Variants in ZC3H12B observed in about 807,000 individuals in gnomAD.
ZC3H12B encodes probable ribonuclease ZC3H12B.
In ZC3H12B, 7 loss-of-function variants were observed where a neutral mutation model predicts 43.9. The ratio of observed to expected loss-of-function variants is 0.16; its 90% confidence interval spans 0.09 to 0.30. The LOEUF (loss-of-function observed/expected upper bound fraction) is 0.30, where lower values mean the gene tolerates loss of function less well. ZC3H12B is among the 10% of genes least tolerant of loss of function. The probability of loss-of-function intolerance (pLI) is 1.00; values close to 1 mark genes in which losing one functional copy is unlikely to be tolerated. For synonymous variants in ZC3H12B, 222 were observed against 241.7 expected (o/e 0.92, Z 0.76); for missense variants, 475 against 670.2 (o/e 0.71, Z 3.22).
chrX:65,161,450 A>G, the ZC3H12B span, among the ~76,000 whole-genome samples: 1 of 111,564 alleles, frequency 9.0e-6, no homozygotes, highest in African/African-American at 3.3e-5. Context: ...GTGCTCCTGT[A>G]TTGGGTGCAT....
chrX:65,490,729 C>T (rs185161245), intron 1 of ZC3H12B, among the ~76,000 whole-genome samples: 6 of 110,870 alleles, frequency 5.4e-5, no homozygotes, highest in African/African-American at 2.0e-4. Flanking sequence ...TTTAAAAAAC[C>T]CCAGTAATCA....
chrX:65,080,977 G>A, the ZC3H12B span, among the ~76,000 whole-genome samples: 86 of 109,047 alleles, frequency 7.9e-4, no homozygotes, highest in Admixed American at 1.6e-3. Flanking sequence ...AAGTTAAAAA[G>A]CAGGGGGACA....
the ZC3H12B span, among the ~76,000 whole-genome samples, chrX:65,143,439 T>G: frequency 9.0e-6 from 1 of 111,568 alleles, no homozygotes; most frequent in Non-Finnish European, 1.9e-5. Flanking sequence ...TTTCTGCCTC[T>G]ATTGAGATGA....
chrX:65,203,524 T>C, the ZC3H12B span, among the ~76,000 whole-genome samples: 1 of 110,037 alleles, frequency 9.1e-6, no homozygotes, highest in Non-Finnish European at 1.9e-5. Context: ...AGAAGTGTCA[T>C]CTAGGATTTG....
At chrX:65,410,831 A>T (rs2066895616) in intron 3 of ZC3H12B, among the ~76,000 whole-genome samples, 1 of 112,376 alleles carries the variant, frequency 8.9e-6, no homozygotes, top group Non-Finnish European at 1.9e-5. Flanking sequence ...GGATGTAGAG[A>T]AAAGGGAATC....
the ZC3H12B span, among the ~76,000 whole-genome samples, chrX:65,192,248 G>T: frequency 9.0e-6 from 1 of 111,003 alleles, no homozygotes; most frequent in Non-Finnish European, 1.9e-5. Flanking sequence ...GAATAGGTGT[G>T]GTGTGGTGCT....
the ZC3H12B span, among the ~76,000 whole-genome samples, chrX:65,325,670 C>G: frequency 9.0e-6 from 1 of 111,057 alleles, no homozygotes; most frequent in Non-Finnish European, 1.9e-5. Context: ...AATGTTTATA[C>G]CACTCAAAGT....
At chrX:65,139,520 T>C in the ZC3H12B span, among the ~76,000 whole-genome samples, 1 of 112,079 alleles carries the variant, frequency 8.9e-6, no homozygotes, top group South Asian at 3.7e-4. Flanking sequence ...GGTAGTGTGA[T>C]GTCTCCAGCT....
the ZC3H12B span, among the ~76,000 whole-genome samples, chrX:65,289,252 C>T: frequency 9.0e-6 from 1 of 110,514 alleles, no homozygotes; most frequent in African/African-American, 3.3e-5. Flanking sequence ...TTTAAAAATT[C>T]ACATGGAACA....
At chrX:65,042,700 A>G in the ZC3H12B span, among the ~76,000 whole-genome samples, 1 of 112,302 alleles carries the variant, frequency 8.9e-6, no homozygotes, top group East Asian at 2.8e-4. Context: ...TGTCTTGATT[A>G]AGGATTTTTG....
intron 2 of ZC3H12B, among the ~76,000 whole-genome samples, chrX:65,373,931 T>C (rs1220214589): frequency 4.2e-4 from 21 of 49,814 alleles, no homozygotes; most frequent in East Asian, 3.0e-3. Flanking sequence ...ACTATATATA[T>C]AGTATATATA....
intron 3 of ZC3H12B, among the ~76,000 whole-genome samples, chrX:65,409,548 T>G (rs1451965979): frequency 1.3e-5 from 1 of 78,324 alleles, no homozygotes; most frequent in Non-Finnish European, 2.4e-5. Flanking sequence ...TGGAAAAACC[T>G]AAAGACTCCA....
At chrX:65,251,060 T>TA in the ZC3H12B span, among the ~76,000 whole-genome samples, 1 of 112,422 alleles carries the variant, frequency 8.9e-6, no homozygotes, top group African/African-American at 3.2e-5. Context: ...CTAGGGTTTT[T>TA]ATGGTTTTAG....
chrX:65,090,824 C>T, the ZC3H12B span, among the ~76,000 whole-genome samples: 1 of 111,457 alleles, frequency 9.0e-6, no homozygotes, highest in East Asian at 2.8e-4. Flanking sequence ...GTGATTGGAT[C>T]ATGGAAGCAG....
At chrX:65,268,541 A>G in the ZC3H12B span, among the ~76,000 whole-genome samples, 4 of 112,582 alleles carry the variant, frequency 3.6e-5, no homozygotes, top group Non-Finnish European at 5.6e-5. Context: ...AATTCAATAT[A>G]TAAAAAACAT....
chrX:65,383,665 C>T (rs1433149583), intron 2 of ZC3H12B, among the ~76,000 whole-genome samples: 2 of 110,548 alleles, frequency 1.8e-5, no homozygotes, highest in African/African-American at 3.3e-5. Flanking sequence ...AGTGAACAGG[C>T]CACCTACAAA....
chrX:65,349,521 G>C, the ZC3H12B span, among the ~76,000 whole-genome samples: 1 of 111,508 alleles, frequency 9.0e-6, no homozygotes, highest in Non-Finnish European at 1.9e-5. Context: ...GACCAGAGCA[G>C]AACTGAAGGA....
chrX:65,100,952 G>C, the ZC3H12B span, among the ~76,000 whole-genome samples: 1 of 111,465 alleles, frequency 9.0e-6, no homozygotes, highest in Non-Finnish European at 1.9e-5. Context: ...ATTCTTCTCA[G>C]AACCACATAG....
chrX:65,163,496 C>G, the ZC3H12B span, among the ~76,000 whole-genome samples: 255 of 111,422 alleles, frequency 2.3e-3, 2 homozygotes, highest in African/African-American at 7.7e-3. Context: ...CCCCCAGCCT[C>G]GCTGCCACCT....
Sources: gnomAD v4.1 joint callset for allele counts (sites outside exome capture counted in the v4.1 genomes callset) on GRCh38, gnomAD v4.1.1 for gene constraint, MANE v1.5 for transcripts, NCBI Gene and HGNC (gene_info 2026-07-23, HGNC 2026-07-21) for gene names.